Variants in NLGN1 observed in about 807,000 individuals in gnomAD.
NLGN1 encodes neuroligin-1.
In NLGN1, 12 loss-of-function variants were observed where a neutral mutation model predicts 65.5. The ratio of observed to expected loss-of-function variants is 0.18; its 90% CI spans 0.12 to 0.30. The LOEUF (loss-of-function observed/expected upper bound fraction) is 0.30, where lower values mean the gene tolerates loss of function less well. Among genes scored for constraint, NLGN1 ranks in the 10% least tolerant of loss-of-function variants. The pLI is 1.00. For missense variants in NLGN1, 750 were observed against 1,007.1 expected (o/e 0.74, Z 3.46); for synonymous variants, 350 against 359.5 (o/e 0.97, Z 0.30).
chr3:173,778,469 A>G (rs2150306955), intron 3 of NLGN1, among the ~76,000 whole-genome samples: 1 of 152,002 alleles, frequency 6.6e-6, no homozygotes, highest in East Asian at 1.9e-4. Flanking sequence ...GCACAAGATA[A>G]GGGTAGAGGA....
At chr3:173,675,883 T>TCACA (rs1466376299) in intron 3 of NLGN1, among the ~76,000 whole-genome samples, 1 of 132,776 alleles carries the variant, frequency 7.5e-6, no homozygotes, top group African/African-American at 3.0e-5. Context: ...TCTCTCTCTC[T>TCACA]CTCTCACACA....
At chr3:173,539,650 A>ATGTATATATGTACATATATAACAT (rs1553879365) in intron 2 of NLGN1, among the ~76,000 whole-genome samples, 1 of 51,170 alleles carries the variant, frequency 2.0e-5, no homozygotes, top group Non-Finnish European at 4.2e-5. Context: ...ATACATATAT[A>ATGTATATATGTACATATATAACAT]ACATATGTGT....
intron 3 of NLGN1, among the ~76,000 whole-genome samples, chr3:173,792,453 T>C (rs1713008828): frequency 6.6e-6 from 1 of 152,178 alleles, no homozygotes; most frequent in Non-Finnish European, 1.5e-5. Context: ...TCCTTTCTTT[T>C]CAATGTGAAA....
chr3:173,809,293 C>A (rs528726471), intron 4 of NLGN1, among the ~76,000 whole-genome samples: 2 of 152,084 alleles, frequency 1.3e-5, no homozygotes, highest in East Asian at 3.9e-4. Flanking sequence ...GAATCTTAAA[C>A]CTTGAATTCT....
At chr3:173,781,458 G>T (rs1242416617) in intron 3 of NLGN1, among the ~76,000 whole-genome samples, 1 of 152,110 alleles carries the variant, frequency 6.6e-6, no homozygotes, top group Non-Finnish European at 1.5e-5. Context: ...AATTGAATTT[G>T]TTCACTGTTA....
intron 4 of NLGN1, among the ~76,000 whole-genome samples, chr3:174,113,378 A>T (rs1561072284): frequency 6.6e-6 from 1 of 152,068 alleles, no homozygotes; most frequent in Non-Finnish European, 1.5e-5. Flanking sequence ...AAGCAAAACA[A>T]AAAGAATATG....
intron 4 of NLGN1, among the ~76,000 whole-genome samples, chr3:174,199,602 A>G (rs1407083292): frequency 1.3e-5 from 2 of 152,010 alleles, no homozygotes; most frequent in Admixed American, 1.3e-4. Flanking sequence ...GAATACGATG[A>G]TTAGATAAGG....
chr3:174,268,281 G>A (rs115140653), intron 4 of NLGN1, among the ~76,000 whole-genome samples: 4 of 152,036 alleles, frequency 2.6e-5, no homozygotes, highest in East Asian at 1.9e-4. Context: ...CAGGAACTTC[G>A]TGAACTTTGA....
intron 3 of NLGN1, among the ~76,000 whole-genome samples, chr3:173,637,667 G>C (rs143517638): frequency 2.0e-4 from 30 of 152,248 alleles, no homozygotes; most frequent in African/African-American, 7.0e-4. Context: ...ATGTAGGACA[G>C]ATATTTGTTC....
intron 4 of NLGN1, among the ~76,000 whole-genome samples, chr3:173,886,495 T>C (rs1174422827): frequency 6.6e-6 from 1 of 152,096 alleles, no homozygotes; most frequent in African/African-American, 2.4e-5. Flanking sequence ...TTATTTTTCT[T>C]TTATTAAGAC....
At chr3:174,060,444 C>A (rs1488623018) in intron 4 of NLGN1, among the ~76,000 whole-genome samples, 1 of 152,068 alleles carries the variant, frequency 6.6e-6, no homozygotes, top group Non-Finnish European at 1.5e-5. Flanking sequence ...ATATGCCCCC[C>A]TTTACCCTCC....
chr3:173,639,053 G>A (rs943808910), intron 3 of NLGN1, among the ~76,000 whole-genome samples: 4 of 152,318 alleles, frequency 2.6e-5, no homozygotes, highest in African/African-American at 7.2e-5. Flanking sequence ...GAGCATAGGG[G>A]TGAGGAAGTT....
At chr3:173,647,302 A>G (rs1758422521) in intron 3 of NLGN1, among the ~76,000 whole-genome samples, 1 of 152,140 alleles carries the variant, frequency 6.6e-6, no homozygotes, top group Admixed American at 6.5e-5. Context: ...GAAGATCAAT[A>G]AGAATATAGA....
rs749920439 is a variant in NLGN1 at position 174,146,090 on chromosome 3, TCTTTTCCTTC to T, written c.647-129221_647-129212del. Among the ~76,000 whole-genome samples the T allele has an allele frequency of 3.1e-3, 460 of 150,146 alleles. 16 individuals carry two copies. The East Asian group carries it at 0.078, about 25-fold the overall frequency. ...AATATAACCTATTAATCTATTCTAC[TCTTTTCCTTC>T]CTTCCTTCCTTCCTTCCTTCCTTCC... On this transcript the variant is annotated intron_variant, in intron 4 of 6. Transcript: ENST00000457714.
intron 4 of NLGN1, among the ~76,000 whole-genome samples, chr3:174,269,061 C>G (rs1246371167): frequency 6.6e-6 from 1 of 151,436 alleles, no homozygotes; most frequent in African/African-American, 2.4e-5. Context: ...TCAAGGGAAC[C>G]CAATAGCAAG....
chr3:174,209,623 CTTTTTT>C (rs796169913), intron 4 of NLGN1, among the ~76,000 whole-genome samples: 3 of 82,072 alleles, frequency 3.7e-5, no homozygotes, highest in African/African-American at 1.5e-4. Flanking sequence ...ACCTTTCTTT[CTTTTTT>C]TTTTTTTTTT....
intron 2 of NLGN1, chr3:173,585,095 G>A (rs1457188011): frequency 6.6e-6 from 1 of 152,358 alleles, no homozygotes; most frequent in African/African-American, 2.4e-5. Flanking sequence ...CTGCGCGGAA[G>A]GTGATGCGGA....
At chr3:173,500,056 CT>C (rs1181770995) in intron 2 of NLGN1, among the ~76,000 whole-genome samples, 2 of 152,088 alleles carry the variant, frequency 1.3e-5, no homozygotes, top group Non-Finnish European at 2.9e-5. Context: ...CTTCTCCTGC[CT>C]GATTGCCCTG....
intron 4 of NLGN1, among the ~76,000 whole-genome samples, chr3:174,228,178 A>T (rs1019194992): frequency 1.3e-5 from 2 of 151,994 alleles, no homozygotes; most frequent in Non-Finnish European, 2.9e-5. Flanking sequence ...TGAAATTAAG[A>T]TTACCTTTTG....
Sources: gnomAD v4.1 joint callset for allele counts (sites outside exome capture counted in the v4.1 genomes callset) on GRCh38, gnomAD v4.1.1 for gene constraint, MANE v1.5 for transcripts, NCBI Gene and HGNC (gene_info 2026-07-23, HGNC 2026-07-21) for gene names.